GRIK4: variants seen among roughly 807,000 people sequenced by gnomAD.
The protein encoded by GRIK4 is glutamate receptor ionotropic, kainate 4.
In GRIK4, 40 loss-of-function variants were observed where a neutral mutation model predicts 104.9. That is an observed-to-expected ratio of 0.38 (90% CI 0.30 to 0.50). GRIK4 has a LOEUF of 0.50. GRIK4 is among the 20% of genes least tolerant of loss of function. The probability of loss-of-function intolerance (pLI) is 0.93; values close to 1 mark genes in which losing one functional copy is unlikely to be tolerated. For synonymous variants in GRIK4, 485 were observed against 524.9 expected (o/e 0.92, Z 1.04); for missense variants, 1,047 against 1,308.1 (o/e 0.80, Z 3.08).
chr11:120,683,063 A>G (rs1403895830), intron 3 of GRIK4, among the ~76,000 whole-genome samples: 1 of 152,102 alleles, frequency 6.6e-6, no homozygotes, highest in African/African-American at 2.4e-5. Context: ...ATTGTAGCAG[A>G]CTTACTCACT....
chr11:120,874,336 C>T (rs1192766110), intron 10 of GRIK4, 118 bp downstream of exon 10: 3 of 776,034 alleles, frequency 3.9e-6, no homozygotes, highest in Non-Finnish European at 6.1e-6. Flanking sequence ...GTTATTACAG[C>T]CCCAGATAAA....
chr11:120,753,740 G>A (rs78928442), intron 3 of GRIK4, among the ~76,000 whole-genome samples: 4 of 152,130 alleles, frequency 2.6e-5, no homozygotes, highest in South Asian at 2.1e-4. Flanking sequence ...TGAGAATAAC[G>A]AAGACACCAG....
intron 3 of GRIK4, among the ~76,000 whole-genome samples, chr11:120,795,005 A>G (rs1388342591): frequency 6.6e-6 from 1 of 152,070 alleles, no homozygotes; most frequent in Non-Finnish European, 1.5e-5. Flanking sequence ...TGGGCCTCCG[A>G]GAGTGAGCAG....
At chr11:120,885,803 C>T (rs1369358945) in intron 11 of GRIK4, among the ~76,000 whole-genome samples, 1 of 152,176 alleles carries the variant, frequency 6.6e-6, no homozygotes, top group African/African-American at 2.4e-5. Flanking sequence ...GGTGGGAAGT[C>T]TATTAAGTTC....
At chr11:120,723,716 C>G (rs972916063) in intron 3 of GRIK4, among the ~76,000 whole-genome samples, 1 of 152,138 alleles carries the variant, frequency 6.6e-6, no homozygotes, top group African/African-American at 2.4e-5. Flanking sequence ...GCCTTCCTCA[C>G]AGTGGATAGG....
intron 1 of GRIK4, among the ~76,000 whole-genome samples, chr11:120,574,229 A>C (rs963254932): frequency 6.6e-6 from 1 of 152,116 alleles, no homozygotes; most frequent in Non-Finnish European, 1.5e-5. Flanking sequence ...TGCTGAATGT[A>C]TGGGGGACTG....
At chr11:120,695,623 C>T (rs543898757) in intron 3 of GRIK4, among the ~76,000 whole-genome samples, 6 of 151,512 alleles carry the variant, frequency 4.0e-5, no homozygotes, top group South Asian at 2.2e-4. Context: ...CAGGCCTGGA[C>T]GGCCGCCACG....
intron 4 of GRIK4, among the ~76,000 whole-genome samples, chr11:120,809,911 A>T (rs1001260295): frequency 2.6e-5 from 4 of 152,172 alleles, no homozygotes; most frequent in African/African-American, 4.8e-5. Context: ...ACAAAAAATA[A>T]AAAATTAGCC....
At chr11:120,552,845 C>T (rs1311889907) in intron 1 of GRIK4, among the ~76,000 whole-genome samples, 5 of 151,848 alleles carry the variant, frequency 3.3e-5, no homozygotes, top group African/African-American at 1.2e-4. Flanking sequence ...ACTAAAAATA[C>T]AAAAGTTAGC....
At chr11:120,769,109 C>G (rs940391611) in intron 3 of GRIK4, among the ~76,000 whole-genome samples, 65 of 152,058 alleles carry the variant, frequency 4.3e-4, no homozygotes, top group Non-Finnish European at 2.1e-4. Context: ...TTAAGAAGCC[C>G]TGGTAGTAAT....
intron 1 of GRIK4, among the ~76,000 whole-genome samples, chr11:120,626,671 T>C (rs1949263687): frequency 6.6e-6 from 1 of 152,178 alleles, no homozygotes; most frequent in African/African-American, 2.4e-5. Flanking sequence ...TCATTGCATC[T>C]GTTCCTCTGC....
chr11:120,613,339 A>G (rs978380793), intron 1 of GRIK4, among the ~76,000 whole-genome samples: 7 of 152,210 alleles, frequency 4.6e-5, no homozygotes, highest in African/African-American at 9.6e-5. Flanking sequence ...GGTCTTGTCA[A>G]TTCTTGTCCT....
chr11:120,936,103 T>G (rs896081254), intron 13 of GRIK4: 1 of 217,216 alleles, frequency 4.6e-6, no homozygotes, highest in African/African-American at 2.3e-5. Context: ...TTTCCGCCTC[T>G]TCCTTTTTTT....
chr11:120,690,585 G>A (rs1268782397), intron 3 of GRIK4, among the ~76,000 whole-genome samples: 1 of 152,232 alleles, frequency 6.6e-6, no homozygotes, highest in Admixed American at 6.5e-5. Flanking sequence ...ATTGGAAGCC[G>A]GGTAACAGTA....
At chr11:120,519,865 G>GT (rs1311313035) in intron 1 of GRIK4, among the ~76,000 whole-genome samples, 1,388 of 102,128 alleles carry the variant, frequency 0.014, 22 homozygotes, top group African/African-American at 0.043. Context: ...CTCACTACTG[G>GT]TTTTTTTTTT....
At chr11:120,671,974 A>G (rs1265895007) in intron 3 of GRIK4, among the ~76,000 whole-genome samples, 2 of 152,034 alleles carry the variant, frequency 1.3e-5, no homozygotes, top group African/African-American at 2.4e-5. Flanking sequence ...GTTCTGTTCT[A>G]TTGATCTGTA....
chr11:120,740,747 C>T (rs1383044309), intron 3 of GRIK4, among the ~76,000 whole-genome samples: 1 of 152,204 alleles, frequency 6.6e-6, no homozygotes, highest in Non-Finnish European at 1.5e-5. Flanking sequence ...GCCCATCAGT[C>T]AATCCACCTC....
intron 3 of GRIK4, among the ~76,000 whole-genome samples, chr11:120,761,175 G>C (rs144423213): frequency 0.011 from 1,640 of 152,246 alleles, 23 homozygotes; most frequent in African/African-American, 0.036. Flanking sequence ...TTGTGGTTTT[G>C]ATTTGAATTT....
At chr11:120,805,675 C>T (rs1428538126) in intron 4 of GRIK4, among the ~76,000 whole-genome samples, 1 of 152,166 alleles carries the variant, frequency 6.6e-6, no homozygotes, top group African/African-American at 2.4e-5. Flanking sequence ...GCCAGAGTGC[C>T]CCTCCACAGT....
Sources: gnomAD v4.1 joint callset for allele counts (sites outside exome capture counted in the v4.1 genomes callset) on GRCh38, gnomAD v4.1.1 for gene constraint, MANE v1.5 for transcripts, NCBI Gene and HGNC (gene_info 2026-07-23, HGNC 2026-07-21) for gene names.